CELSR1: variants seen among roughly 807,000 people sequenced by gnomAD.
CELSR1 encodes the protein adhesion G protein-coupled receptor C1.
A neutral mutation model predicts 249.1 loss-of-function variants in CELSR1; 110 were observed. That is an observed-to-expected ratio of 0.44 (90% CI 0.38 to 0.52). CELSR1 has a LOEUF of 0.52. Ranked by LOEUF, CELSR1 falls within the 20% of genes least tolerant of loss-of-function variation. CELSR1 has a pLI of 0.00. For synonymous variants in CELSR1, 2,113 were observed against 1,900.0 expected (o/e 1.11, Z -2.92); for missense variants, 4,109 against 4,296.4 (o/e 0.96, Z 1.22).
intron 24 of CELSR1, among the ~76,000 whole-genome samples, chr22:46,375,687 G>T (rs540875701): frequency 6.6e-6 from 1 of 152,150 alleles, no homozygotes; most frequent in South Asian, 2.1e-4. Context: ...GGGATTACAG[G>T]TGCGTACCAC....
At chr22:46,431,236 A>G (rs1356211738) in intron 5 of CELSR1, among the ~76,000 whole-genome samples, 1 of 152,222 alleles carries the variant, frequency 6.6e-6, no homozygotes, top group Non-Finnish European at 1.5e-5. Context: ...AGGGGCGGCC[A>G]CAGGCGGGCC....
intron 9 of CELSR1, among the ~76,000 whole-genome samples, chr22:46,405,011 G>A (rs1374756265): frequency 2.7e-5 from 4 of 149,456 alleles, no homozygotes; most frequent in Admixed American, 2.0e-4. Context: ...TTTTAGCAGA[G>A]ATGGGGTTTC....
In CELSR1 at chr22:46,363,004, G is replaced by A. The variant is rs976063986; in HGVS notation, c.*219C>T. 2 of 906,606 alleles carry A rather than the reference G, an allele frequency of 2.2e-6. No individual in the cohort carries two copies. Among genetic ancestry groups the A allele is most frequent in the Non-Finnish European group, 3.4e-6 (2 of 593,402 alleles). The allele number at this position is 906,606 out of a possible 1,614,324, so 56.2% of individuals were successfully genotyped here. On this transcript the variant is annotated 3_prime_UTR_variant, in exon 35 of 35. Transcript: ENST00000674500. This position sits in a 1 kb window ranked among gnomAD's most constrained non-coding sequence, Gnocchi z 4.3. ...GCCTTTGGCACTTGTCACCAGGTCT[G>A]ACAGGCCCTGAGCTCCTGGGAGAAC... is the stretch of plus-strand genomic sequence containing the variant.
intron 1 of CELSR1, among the ~76,000 whole-genome samples, chr22:46,528,977 G>T (rs1460166326): frequency 7.0e-6 from 1 of 143,496 alleles, no homozygotes; most frequent in Non-Finnish European, 1.5e-5. Flanking sequence ...AAAAGAATGA[G>T]ATCCTGGGCC....
rs2078733730 is a variant in CELSR1, at chr22:46,363,871, C to T, written c.9035+125G>A. 7.7e-7 allele frequency: 1 copy of T among 1,306,710 alleles called. No homozygotes were observed. The highest frequency in any genetic ancestry group is 1.0e-6 in the Non-Finnish European group (1 of 987,354). The allele number at this position is 1,306,710 out of a possible 1,614,324, so 80.9% of individuals were successfully genotyped here. A position where few individuals can be genotyped will look rare whatever the true frequency, so the allele number is the denominator to read the frequency against. On this transcript the variant is annotated intron_variant, in intron 34 of 34. Transcript: ENST00000674500. This position sits in a 1 kb window ranked among gnomAD's most constrained non-coding sequence, Gnocchi z 4.3. The stretch of plus-strand genomic sequence containing the variant: ...CCCCCCTCCCCCATCCCCGCCTGGG[C>T]TTCCTCTGCACTCAGGGCTCCAGGT...
rs2079617059 is a variant in CELSR1 at position 46,433,279 on chromosome 22, C to T, written c.4611+114G>A. On this transcript the variant is annotated intron_variant, in intron 5 of 34. Coordinates refer to ENST00000674500, the MANE Select transcript of CELSR1 (RefSeq NM_001378328.1). This position sits in a 1 kb window ranked among gnomAD's most constrained non-coding sequence, Gnocchi z 5.7. ...CGAGCTCCTGACCTCAGGTAATCCA[C>T]CTGCCTTGGCCTCTCAAAGTGCTGG... 2 of 712,960 alleles carry T rather than the reference C, an allele frequency of 2.8e-6. No homozygotes were observed. Among genetic ancestry groups the T allele is most frequent in the Non-Finnish European group, 4.6e-6 (2 of 433,258 alleles). 44.2% of individuals were successfully genotyped at this position (712,960 alleles called of 1,614,324 possible). A position where few individuals can be genotyped will look rare whatever the true frequency, so the allele number is the denominator to read the frequency against.
intron 1 of CELSR1, among the ~76,000 whole-genome samples, chr22:46,507,419 AC>A (rs1411394558): frequency 2.0e-5 from 3 of 150,956 alleles, no homozygotes; most frequent in East Asian, 3.9e-4. Context: ...GCCCATGATG[AC>A]CCCCACAGCA....
chr22:46,373,988 G>A (rs1340949064), intron 24 of CELSR1, among the ~76,000 whole-genome samples: 3 of 152,184 alleles, frequency 2.0e-5, no homozygotes, highest in Non-Finnish European at 2.9e-5. Context: ...CATCAGCCTC[G>A]AAGGGCCAGC....
At position 46,506,635 on chromosome 22, in the gene CELSR1, A is replaced by G. The variant is rs2080517608; in HGVS notation, c.3544+26992T>C. Among the ~76,000 whole-genome samples the G allele has an allele frequency of 6.6e-6, 1 of 152,150 alleles. No homozygotes were observed. Among genetic ancestry groups the G allele is most frequent in the Non-Finnish European group, 1.5e-5 (1 of 68,030 alleles). The stretch of plus-strand genomic sequence containing the variant: ...GGGTGATGTTTCTAGGACTTTCAAC[A>G]TCTACATTCTAGATCAGTTTTCAGG... On this transcript the variant is annotated intron_variant, in intron 1 of 34. Transcript: ENST00000674500. This position sits in a 1 kb window ranked among gnomAD's most constrained non-coding sequence, Gnocchi z 4.1.
In CELSR1 at chr22:46,363,879, G is replaced by A. The variant is rs1328684243; in HGVS notation, c.9035+117C>T. ...CCCCATCCCCGCCTGGGCTTCCTCT[G>A]CACTCAGGGCTCCAGGTGAGGTGGG... On this transcript the variant is annotated intron_variant, in intron 34 of 34. Coordinates refer to ENST00000674500, the MANE Select transcript of CELSR1 (RefSeq NM_001378328.1). This position sits in a 1 kb window ranked among gnomAD's most constrained non-coding sequence, Gnocchi z 4.3. 3 of 1,347,012 alleles carry A rather than the reference G, an allele frequency of 2.2e-6. No homozygotes were observed. In the African/African-American group the frequency reaches 4.5e-5, roughly 20 times the overall value. 83.4% of individuals were successfully genotyped at this position (1,347,012 alleles called of 1,614,324 possible). A position where few individuals can be genotyped will look rare whatever the true frequency, so the allele number is the denominator to read the frequency against.
At chr22:46,523,869 A>C (rs1347460514) in intron 1 of CELSR1, among the ~76,000 whole-genome samples, 1 of 152,118 alleles carries the variant, frequency 6.6e-6, no homozygotes, top group African/African-American at 2.4e-5. Flanking sequence ...GAGACCCCAC[A>C]AGGACCCAGA....
chr22:46,373,722 G>GGGAGCAATGGGAGCAATA (rs1305550326), intron 24 of CELSR1, among the ~76,000 whole-genome samples: 18 of 149,450 alleles, frequency 1.2e-4, no homozygotes, highest in South Asian at 1.1e-3. Context: ...TGGGGGAGAT[G>GGGAGCAATGGGAGCAATA]GGAGCAATGG....
At chr22:46,387,639 G>A (rs1353290948) in intron 18 of CELSR1, among the ~76,000 whole-genome samples, 5 of 152,218 alleles carry the variant, frequency 3.3e-5, no homozygotes, top group South Asian at 2.1e-4. Flanking sequence ...GATTACAGGC[G>A]TGAGCGACCG....
intron 4 of CELSR1, among the ~76,000 whole-genome samples, chr22:46,435,013 CA>C (rs540242367): frequency 5.5e-5 from 8 of 145,538 alleles, no homozygotes; most frequent in Non-Finnish European, 9.1e-5. Flanking sequence ...AGAACAAAAA[CA>C]AAAAAAAAAG....
chr22:46,410,411 A>C lies in CELSR1; in HGVS notation c.4920T>G (p.Asn1640Lys), dbSNP rs773342117. 2 of 1,613,670 alleles carry C rather than the reference A, an allele frequency of 1.2e-6. No individual in the cohort carries two copies. The highest frequency in any genetic ancestry group is 1.7e-6 in the Non-Finnish European group (2 of 1,179,780). ...GGCCACCCGTACCTTCCCGGGTGCC[A>C]TTGTTGGCGATGAATCCGGCCATGT... Reference protein sequence around the residue: ...NVDMAGFIANNGTREGCAARR... With the variant: ...NVDMAGFIANKGTREGCAARR... The change falls in exon 7 of 35, where the codon AAT (asparagine) becomes AAG (lysine). Residue 1640 changes from asparagine (N) to lysine (K), a missense_variant. By Grantham distance (94) the Asn-to-Lys change is moderately conservative. Coordinates refer to ENST00000674500, the MANE Select transcript of CELSR1 (RefSeq NM_001378328.1). This position sits in a 1 kb window ranked among gnomAD's most constrained non-coding sequence, Gnocchi z 6.8.
In CELSR1 at chr22:46,454,517, C is replaced by T. The variant is rs1376701383; in HGVS notation, c.4183+9190G>A. 3.9e-5 allele frequency among the ~76,000 whole-genome samples: 6 copies of T among 152,336 alleles called. No homozygotes were observed. In the East Asian group the frequency reaches 9.6e-4, roughly 24 times the overall value. ...CAGACTTCGAAGTCACGGGGAACGG[C>T]GTGTGCTTTAAACCACAGCGAGGTT... On this transcript the variant is annotated intron_variant, in intron 2 of 34. Transcript: ENST00000674500. The surrounding 1 kb of genome is among the most constrained non-coding windows in gnomAD (Gnocchi z 5.1).
chr22:46,361,995 A>T lies in CELSR1; in HGVS notation c.*1228T>A, dbSNP rs977590986. 1.8e-4 allele frequency: 28 copies of T among 152,300 alleles called. No individual in the cohort carries two copies. Among genetic ancestry groups the T allele is most frequent in the African/African-American group, 6.5e-4 (27 of 41,574 alleles). 9.4% of individuals were successfully genotyped at this position (152,300 alleles called of 1,614,324 possible). ...TGGCTGTGGCTTTGTCCCTCTGCACAATTGGCCATTTGAAGCAAAATGAAG... is the reference window on the plus strand; with the variant it reads ...TGGCTGTGGCTTTGTCCCTCTGCACTATTGGCCATTTGAAGCAAAATGAAG... On this transcript the variant is annotated 3_prime_UTR_variant, in exon 35 of 35. Transcript: ENST00000674500.
At position 46,512,190 on chromosome 22, in the gene CELSR1, G is replaced by A. The variant is rs548120900; in HGVS notation, c.3544+21437C>T. 5.3e-5 allele frequency among the ~76,000 whole-genome samples: 8 copies of A among 152,164 alleles called. No homozygotes were observed. The highest frequency in any genetic ancestry group is 1.3e-4 in the Admixed American group (2 of 15,276). ...AGCCCTTACTAAGCGTGCTGCCCTCGAGGGCTCACAGCTAGGGGCAGGTGT... is the reference window on the plus strand; with the variant it reads ...AGCCCTTACTAAGCGTGCTGCCCTCAAGGGCTCACAGCTAGGGGCAGGTGT... On this transcript the variant is annotated intron_variant, in intron 1 of 34. Transcript: ENST00000674500. This position sits in a 1 kb window ranked among gnomAD's most constrained non-coding sequence, Gnocchi z 5.2.
chr22:46,519,271 G>A (rs2080660552), intron 1 of CELSR1, among the ~76,000 whole-genome samples: 1 of 152,198 alleles, frequency 6.6e-6, no homozygotes, highest in East Asian at 1.9e-4. Flanking sequence ...ACATTAAAAT[G>A]GTTAACTTCA....
Sources: gnomAD v4.1 joint callset for allele counts (sites outside exome capture counted in the v4.1 genomes callset) on GRCh38, gnomAD v4.1.1 for gene constraint, Gnocchi (gnomAD v3.1) non-coding constraint, MANE v1.5 for transcripts, NCBI Gene and HGNC (gene_info 2026-07-23, HGNC 2026-07-21) for gene names.